Variants in KCNIP4 observed in about 807,000 individuals in gnomAD.
KCNIP4 encodes potassium voltage-gated channel interacting protein 4, also known as Kv channel-interacting protein 4.
Under a neutral mutation model 34.0 loss-of-function variants are expected in KCNIP4, and 12 were observed. The observed-to-expected ratio is 0.35, with a 90% CI of 0.23 to 0.57. KCNIP4 has a LOEUF of 0.57. KCNIP4 is among the 20% of genes least tolerant of loss of function. The pLI is 0.83. For synonymous variants in KCNIP4, 124 were observed against 102.2 expected (o/e 1.21, Z -1.29); for missense variants, 238 against 311.7 (o/e 0.76, Z 1.78).
At chr4:21,188,257 G>A (rs746834769) in intron 1 of KCNIP4, among the ~76,000 whole-genome samples, 14 of 152,094 alleles carry the variant, frequency 9.2e-5, no homozygotes, top group Non-Finnish European at 1.8e-4. Flanking sequence ...CTGGAGTGAA[G>A]GATAAACACA....
chr4:21,053,117 C>A (rs1743076940), intron 1 of KCNIP4, among the ~76,000 whole-genome samples: 1 of 151,728 alleles, frequency 6.6e-6, no homozygotes. Context: ...ACCAAAGGGA[C>A]CACACAGATA....
At chr4:21,242,007 CA>C (rs1464851657) in intron 1 of KCNIP4, among the ~76,000 whole-genome samples, 1 of 151,276 alleles carries the variant, frequency 6.6e-6, no homozygotes, top group Non-Finnish European at 1.5e-5. Flanking sequence ...ACTAAAAATA[CA>C]AAAAAATTAG....
At chr4:21,121,333 T>C (rs1750139404) in intron 1 of KCNIP4, among the ~76,000 whole-genome samples, 1 of 152,236 alleles carries the variant, frequency 6.6e-6, no homozygotes, top group Admixed American at 6.5e-5. Context: ...TTCATATGTA[T>C]TAAATCCTGG....
intron 1 of KCNIP4, among the ~76,000 whole-genome samples, chr4:21,910,509 G>A (rs1728243384): frequency 6.6e-6 from 1 of 152,086 alleles, no homozygotes; most frequent in Non-Finnish European, 1.5e-5. Context: ...CATTTAGGAG[G>A]ATCTTGTGAA....
intron 1 of KCNIP4, among the ~76,000 whole-genome samples, chr4:21,180,839 A>G (rs2109322045): frequency 6.6e-6 from 1 of 152,108 alleles, no homozygotes; most frequent in East Asian, 1.9e-4. Context: ...TGAATACAAT[A>G]CTATGTGAAT....
chr4:21,776,472 G>C (rs553712473), intron 1 of KCNIP4, among the ~76,000 whole-genome samples: 1 of 152,278 alleles, frequency 6.6e-6, no homozygotes, highest in African/African-American at 2.4e-5. Context: ...AAAGTGTGGT[G>C]AACAGGCCTG....
At chr4:21,409,094 TTTTG>T (rs769964159) in intron 1 of KCNIP4, among the ~76,000 whole-genome samples, 9 of 152,022 alleles carry the variant, frequency 5.9e-5, no homozygotes, top group Non-Finnish European at 1.0e-4. Flanking sequence ...TCAAGTTTTT[TTTTG>T]TTTTTTACTT....
At chr4:21,470,026 G>A in intron 1 of KCNIP4, among the ~76,000 whole-genome samples, 1 of 152,130 alleles carries the variant, frequency 6.6e-6, no homozygotes, top group African/African-American at 2.4e-5. Context: ...TAAAAATGAG[G>A]ACAGTAGGCA....
At chr4:21,071,246 G>T (rs1190162122) in intron 1 of KCNIP4, among the ~76,000 whole-genome samples, 1 of 152,078 alleles carries the variant, frequency 6.6e-6, no homozygotes, top group East Asian at 1.9e-4. Context: ...TAAATCAATT[G>T]TTCATTTTAA....
At chr4:20,833,023 G>A (rs977567951) in intron 3 of KCNIP4, among the ~76,000 whole-genome samples, 3 of 152,184 alleles carry the variant, frequency 2.0e-5, no homozygotes, top group Non-Finnish European at 4.4e-5. Flanking sequence ...ACAGAACTAT[G>A]ACTAGGTCCA....
At chr4:21,455,550 A>G (rs916531872) in intron 1 of KCNIP4, among the ~76,000 whole-genome samples, 14 of 151,684 alleles carry the variant, frequency 9.2e-5, no homozygotes, top group African/African-American at 3.4e-4. Context: ...ATAAATAGAT[A>G]GATATGTAGT....
intron 1 of KCNIP4, among the ~76,000 whole-genome samples, chr4:21,433,085 A>G (rs925247015): frequency 6.6e-6 from 1 of 152,170 alleles, no homozygotes; most frequent in African/African-American, 2.4e-5. Flanking sequence ...TCTTTCACCT[A>G]TCATAAAATT....
At chr4:21,605,437 A>C (rs1743565831) in intron 1 of KCNIP4, among the ~76,000 whole-genome samples, 1 of 152,166 alleles carries the variant, frequency 6.6e-6, no homozygotes, top group Admixed American at 6.5e-5. Context: ...TTCTAGGGCG[A>C]GACCAATATG....
chr4:21,441,110 C>T (rs1727429112), intron 1 of KCNIP4, among the ~76,000 whole-genome samples: 1 of 150,536 alleles, frequency 6.6e-6, no homozygotes, highest in Non-Finnish European at 1.5e-5. Flanking sequence ...TCAGGGTCTT[C>T]TATCTGCCCT....
At chr4:21,757,173 AGG>A (rs1717651586) in intron 1 of KCNIP4, among the ~76,000 whole-genome samples, 4 of 31,914 alleles carry the variant, frequency 1.3e-4, no homozygotes, top group East Asian at 7.5e-4. Context: ...GAAAGAAGGA[AGG>A]AAGGAAGGAA....
chr4:21,251,947 C>T (rs929250612), intron 1 of KCNIP4, among the ~76,000 whole-genome samples: 2 of 151,110 alleles, frequency 1.3e-5, no homozygotes, highest in East Asian at 2.0e-4. Context: ...ACCAGCATGG[C>T]ACATGTATAC....
At chr4:21,548,129 CA>C (rs1738284993) in intron 1 of KCNIP4, among the ~76,000 whole-genome samples, 1 of 152,022 alleles carries the variant, frequency 6.6e-6, no homozygotes, top group African/African-American at 2.4e-5. Flanking sequence ...TCAGGGTAAC[CA>C]AGGAGCACAG....
chr4:20,880,750 T>C (rs1008589177), intron 2 of KCNIP4, among the ~76,000 whole-genome samples: 1 of 152,202 alleles, frequency 6.6e-6, no homozygotes, highest in Non-Finnish European at 1.5e-5. Flanking sequence ...AGAAAAGCAA[T>C]GACTCTAATA....
intron 1 of KCNIP4, among the ~76,000 whole-genome samples, chr4:21,654,639 C>T (rs1481989889): frequency 3.9e-5 from 6 of 151,944 alleles, no homozygotes; most frequent in African/African-American, 1.4e-4. Context: ...CATTAGAAAA[C>T]TGGGCCGGGT....
Sources: allele counts gnomAD v4.1 joint callset (sites outside exome capture counted in the v4.1 genomes callset), GRCh38; gene constraint gnomAD v4.1.1; transcripts MANE v1.5; gene names NCBI Gene and HGNC (gene_info 2026-07-23, HGNC 2026-07-21).